SLTM: variants seen among roughly 807,000 people sequenced by gnomAD.
SLTM encodes SAFB like transcription modulator, also known as SAFB-like transcription modulator.
Under a neutral mutation model 134.6 loss-of-function variants are expected in SLTM, and 43 were observed. That is an observed-to-expected ratio of 0.32 (90% CI 0.25 to 0.41). The LOEUF is 0.41. Among genes scored for constraint, SLTM ranks in the 10% least tolerant of loss-of-function variants. The pLI is 1.00. For missense variants in SLTM, 1,055 were observed against 1,288.8 expected (o/e 0.82, Z 2.78); for synonymous variants, 424 against 432.3 (o/e 0.98, Z 0.24).
At chr15:58,918,964 G>GA (rs2036834869) in intron 2 of SLTM, among the ~76,000 whole-genome samples, 1 of 151,700 alleles carries the variant, frequency 6.6e-6, no homozygotes, top group African/African-American at 2.4e-5. Context: ...GCCCAGGGTG[G>GA]AAGGCAGTGG....
chr15:58,932,656 G>T (rs986832699), intron 1 of SLTM, among the ~76,000 whole-genome samples: 2 of 152,160 alleles, frequency 1.3e-5, no homozygotes, highest in African/African-American at 4.8e-5. Flanking sequence ...AAATCGCAAG[G>T]AGTTTTAAAT....
Position 58,899,722 on chromosome 15 carries a change from C to T in SLTM, c.805G>A (p.Val269Met), listed in dbSNP as rs2035339620. ...CTTGCTTCAGAATCTGTAATTTTCACATTTTTACCTGTTTCTAGGAGGTCA... is the reference window on the plus strand; with the variant it reads ...CTTGCTTCAGAATCTGTAATTTTCATATTTTTACCTGTTTCTAGGAGGTCA... Reference protein sequence around the residue: ...GDDLLETGKNVKITDSEASKP... With the variant: ...GDDLLETGKNMKITDSEASKP... The change falls in exon 7 of 21, where the codon GTG (valine) becomes ATG (methionine). Residue 269 changes from valine (V) to methionine (M), a missense_variant. Val to Met is a conservative substitution (Grantham distance 21). Around this residue, in one of 3 missense-constraint regions of SLTM, gnomAD observed 11 missense variants for 42.3 expected, o/e 0.26. Coordinates refer to ENST00000380516, the MANE Select transcript of SLTM (RefSeq NM_024755.4). The surrounding 1 kb of genome is among the most constrained non-coding windows in gnomAD (Gnocchi z 5.0). 1 of 1,614,018 alleles carries T rather than the reference C, an allele frequency of 6.2e-7. No individual in the cohort carries two copies. Among genetic ancestry groups the T allele is most frequent in the Admixed American group, 1.7e-5 (1 of 59,996 alleles).
intron 1 of SLTM, among the ~76,000 whole-genome samples, chr15:58,933,131 C>G (rs1156640509): frequency 6.6e-6 from 1 of 151,962 alleles, no homozygotes; most frequent in African/African-American, 2.4e-5. Flanking sequence ...CCGCAACCCT[C>G]GCAGCCTGGC....
In SLTM at chr15:58,879,239, T is replaced by C. The variant is rs1360810854; in HGVS notation, c.*760A>G. 6.6e-6 allele frequency: 1 copy of C among 152,156 alleles called. No homozygotes were observed. Among genetic ancestry groups the C allele is most frequent in the East Asian group, 1.9e-4 (1 of 5,198 alleles). The allele number at this position is 152,156 out of a possible 1,614,324, so 9.4% of individuals were successfully genotyped here. On this transcript the variant is annotated 3_prime_UTR_variant, in exon 21 of 21. Transcript: ENST00000380516. ...TGGAATTTATCCATCAAACAAACAG[T>C]GCAGATTACCTAAAAGTGCACTTAC...
intron 20 of SLTM, among the ~76,000 whole-genome samples, chr15:58,882,694 T>C (rs939776643): frequency 2.0e-5 from 3 of 152,136 alleles, no homozygotes; most frequent in Admixed American, 1.3e-4. Context: ...AGTTTGATGG[T>C]AGAAGTGACC....
chr15:58,927,446 T>C (rs1461135141), intron 2 of SLTM, among the ~76,000 whole-genome samples: 8 of 152,188 alleles, frequency 5.3e-5, no homozygotes, highest in African/African-American at 1.9e-4. Context: ...ATTTTTTGTA[T>C]TTTTAGTAAA....
intron 14 of SLTM, among the ~76,000 whole-genome samples, chr15:58,890,737 T>A (rs978305511): frequency 6.6e-6 from 1 of 152,354 alleles, no homozygotes; most frequent in Non-Finnish European, 1.5e-5. Flanking sequence ...AAAATTACTA[T>A]AATAGTCCAT....
intron 5 of SLTM, among the ~76,000 whole-genome samples, chr15:58,904,402 C>T (rs1305580476): frequency 1.3e-5 from 2 of 152,126 alleles, no homozygotes; most frequent in Non-Finnish European, 2.9e-5. Flanking sequence ...TATTTTACAA[C>T]TAAAGTAACA....
chr15:58,882,243 C>T (rs1015661239), intron 20 of SLTM, among the ~76,000 whole-genome samples: 3 of 148,704 alleles, frequency 2.0e-5, no homozygotes, highest in South Asian at 2.1e-4. Context: ...GGACAAGCCC[C>T]GTATTTCCAG....
intron 5 of SLTM, 28 bp downstream of exon 5, chr15:58,912,535 G>A (rs765494482): frequency 8.8e-6 from 14 of 1,596,758 alleles, no homozygotes; most frequent in East Asian, 2.2e-5. Context: ...CCACAATATC[G>A]AATTCATAGG....
chr15:58,899,782 C>T lies in SLTM; in HGVS notation c.745G>A (p.Ala249Thr), dbSNP rs200483039. ...EDDNISVTIQ[A>T]EDAITLDFDG... is the part of the protein sequence containing the mutation. ...AAATCCAGAGTGATGGCATCTTCAG[C>T]CTGGATTGTGACCGAGATGTTGTCA... Residue 249 changes from alanine (A) to threonine (T), a missense_variant, in exon 7 of 21, where the codon GCT becomes ACT. By Grantham distance (58) the Ala-to-Thr change is moderately conservative. This residue lies in a region of SLTM where 11 missense variants were observed against 42.3 expected (regional missense o/e 0.26). Coordinates refer to ENST00000380516, the MANE Select transcript of SLTM (RefSeq NM_024755.4). This position sits in a 1 kb window ranked among gnomAD's most constrained non-coding sequence, Gnocchi z 5.0. The T allele has an allele frequency of 6.2e-7, 1 of 1,614,094 alleles. No individual in the cohort carries two copies. The highest frequency in any genetic ancestry group is 8.5e-7 in the Non-Finnish European group (1 of 1,179,988).
chr15:58,907,776 A>T (rs2035969275), intron 5 of SLTM, among the ~76,000 whole-genome samples: 1 of 152,236 alleles, frequency 6.6e-6, no homozygotes, highest in Admixed American at 6.5e-5. Flanking sequence ...TCTATGATTA[A>T]TCCCTATATC....
At chr15:58,925,407 A>C (rs536447711) in intron 2 of SLTM, among the ~76,000 whole-genome samples, 1 of 152,274 alleles carries the variant, frequency 6.6e-6, no homozygotes, top group African/African-American at 2.4e-5. Flanking sequence ...GCACAATCTC[A>C]GCTCAGTGCA....
At chr15:58,910,334 A>G (rs1478652632) in intron 5 of SLTM, among the ~76,000 whole-genome samples, 1 of 152,204 alleles carries the variant, frequency 6.6e-6, no homozygotes, top group Non-Finnish European at 1.5e-5. Context: ...TAGAAGCATT[A>G]GATCATAATG....
chr15:58,930,954 A>T (rs1311319611), intron 2 of SLTM, among the ~76,000 whole-genome samples: 2 of 152,124 alleles, frequency 1.3e-5, no homozygotes, highest in Non-Finnish European at 2.9e-5. Context: ...TGCTAAAATA[A>T]TAGTCAACTC....
intron 2 of SLTM, among the ~76,000 whole-genome samples, chr15:58,925,993 G>A (rs2037430014): frequency 1.3e-5 from 2 of 152,200 alleles, no homozygotes; most frequent in African/African-American, 4.8e-5. Flanking sequence ...GAATAAAAAT[G>A]ATGCTAAATT....
intron 10 of SLTM, 49 bp from the exon 11 acceptor site, chr15:58,894,242 T>C (rs1479293422): frequency 1.3e-6 from 2 of 1,503,738 alleles, no homozygotes; most frequent in Admixed American, 3.9e-5. Flanking sequence ...GTTACATTTT[T>C]GTGATTATAA....
rs1170515219 is a variant in SLTM, at chr15:58,899,487, G to T, written c.1040C>A (p.Ala347Asp). 6.2e-7 allele frequency: 1 copy of T among 1,613,924 alleles called. No homozygotes were observed. Among genetic ancestry groups the T allele is most frequent in the Non-Finnish European group, 8.5e-7 (1 of 1,179,916 alleles). ...AACAAACCTCTTTGCTTGACCAGAG[G>T]CCCCAGTAGACGAGGGCCCTTTCTT... ...TLKKGPSSTGASGQAKSSSKE... is the reference protein window; with the variant it reads ...TLKKGPSSTGDSGQAKSSSKE... Residue 347 changes from alanine (A) to aspartate (D), a missense_variant, in exon 7 of 21, where the codon GCC becomes GAC. Ala to Asp is a moderately radical substitution (Grantham distance 126). Around this residue, in one of 3 missense-constraint regions of SLTM, gnomAD observed 776 missense variants for 962.2 expected, o/e 0.81. Transcript: ENST00000380516. The surrounding 1 kb of genome is among the most constrained non-coding windows in gnomAD (Gnocchi z 5.0).
chr15:58,879,911 A>G lies in SLTM; in HGVS notation c.*88T>C, dbSNP rs1325219354. 1.4e-6 allele frequency: 2 copies of G among 1,440,102 alleles called. No homozygotes were observed. The highest frequency in any genetic ancestry group is 4.9e-5 in the Admixed American group (2 of 41,202). 89.2% of individuals were successfully genotyped at this position (1,440,102 alleles called of 1,614,324 possible). On this transcript the variant is annotated 3_prime_UTR_variant, in exon 21 of 21. Transcript: ENST00000380516. Reference sequence around the variant, plus strand: ...GAAAAGTCTGACAGAACTCTCAAGCAAGTCAGAGGTCCTCTTCATAAGTAG... The same window carrying G: ...GAAAAGTCTGACAGAACTCTCAAGCGAGTCAGAGGTCCTCTTCATAAGTAG...
Sources: allele counts gnomAD v4.1 joint callset (sites outside exome capture counted in the v4.1 genomes callset), GRCh38; gene constraint gnomAD v4.1.1; regional missense constraint gnomAD v4.1.1; non-coding constraint Gnocchi (gnomAD v3.1); transcripts MANE v1.5; gene names NCBI Gene and HGNC (gene_info 2026-07-23, HGNC 2026-07-21).